DLD: variants seen among roughly 807,000 people sequenced by gnomAD.
The protein encoded by DLD is dihydrolipoyl dehydrogenase, mitochondrial.
Under a neutral mutation model 62.2 loss-of-function variants are expected in DLD, and 36 were observed. That is an observed-to-expected ratio of 0.58 (90% CI 0.44 to 0.76). The LOEUF (loss-of-function observed/expected upper bound fraction) is 0.76. Among genes scored for constraint, DLD ranks in the 30% least tolerant of loss-of-function variants. DLD has a pLI of 0.00. For synonymous variants in DLD, 204 were observed against 199.6 expected, an observed-to-expected ratio of 1.02 and a Z score of -0.19; for missense variants, 541 against 608.6, an observed-to-expected ratio of 0.89 and a Z score of 1.17.
At chr7:107,916,394 G>T (rs1310865994) in intron 9 of DLD, among the ~76,000 whole-genome samples, 1 of 152,154 alleles carries the variant, frequency 6.6e-6, no homozygotes, top group Non-Finnish European at 1.5e-5. Flanking sequence ...ATCAGTGCCG[G>T]CTGGGCATGG....
intron 7 of DLD, 76 bp downstream of exon 7, chr7:107,905,580 G>C: frequency 1.3e-6 from 2 of 1,493,860 alleles, no homozygotes; most frequent in Non-Finnish European, 1.9e-6. Flanking sequence ...TATGCTATTT[G>C]TGAACTTTGA....
chr7:107,892,528 G>T, intron 1 of DLD, among the ~76,000 whole-genome samples: 1 of 116,528 alleles, frequency 8.6e-6, no homozygotes, highest in African/African-American at 4.1e-5. Flanking sequence ...AGAACTTTCA[G>T]AGCTTTATTT....
chr7:107,913,509 CTT>C (rs796794845), intron 8 of DLD, among the ~76,000 whole-genome samples: 1 of 142,850 alleles, frequency 7.0e-6, no homozygotes, highest in African/African-American at 2.6e-5. Context: ...AATGGGATTG[CTT>C]TTTTTTTTTC....
At chr7:107,907,190 C>G (rs2032029495) in intron 8 of DLD, among the ~76,000 whole-genome samples, 1 of 152,152 alleles carries the variant, frequency 6.6e-6, no homozygotes, top group African/African-American at 2.4e-5. Flanking sequence ...ATCTGCTTGG[C>G]AAAACTCTAG....
chr7:107,912,060 C>T (rs1174751389), intron 8 of DLD, among the ~76,000 whole-genome samples: 4 of 151,296 alleles, frequency 2.6e-5, no homozygotes, highest in African/African-American at 9.7e-5. Context: ...TTTTTTTTAG[C>T]TCCCACATGT....
rs770776184 is a variant in DLD, at chr7:107,917,468, T to G, written c.1236+6T>G. The G allele has an allele frequency of 6.2e-7, 1 of 1,614,102 alleles. No individual in the cohort carries two copies. Among genetic ancestry groups the G allele is most frequent in the Non-Finnish European group, 8.5e-7 (1 of 1,179,952 alleles). On this transcript the variant is annotated splice_donor_region_variant and intron_variant, in intron 11 of 13. Coordinates refer to ENST00000205402, the MANE Select transcript of DLD (RefSeq NM_000108.5). ...AAGAGCAGTTGAAAGAAGAGGTAAGTCTGAACATGGGTGGTTTTAAGCCAA... is the reference window on the plus strand; with the variant it reads ...AAGAGCAGTTGAAAGAAGAGGTAAGGCTGAACATGGGTGGTTTTAAGCCAA...
At chr7:107,893,379 GTC>G (rs2031639562) in intron 2 of DLD, 101 bp downstream of exon 2, 1 of 854,424 alleles carries the variant, frequency 1.2e-6, no homozygotes, top group East Asian at 2.6e-5. Flanking sequence ...TATGTTAAGT[GTC>G]TTATAGTTCA....
chr7:107,905,026 G>A lies in DLD; in HGVS notation c.406G>A (p.Gly136Ser), dbSNP rs369005899. The A allele has an allele frequency of 6.8e-6, 11 of 1,612,764 alleles. No individual in the cohort carries two copies. In the East Asian group the frequency reaches 1.6e-4, roughly 23 times the overall value. The change falls in exon 6 of 14, where the codon GGT (glycine) becomes AGT (serine). Residue 136 changes from glycine (G) to serine (S), a missense_variant. By Grantham distance (56) the Gly-to-Ser change is moderately conservative. Transcript: ENST00000205402. The stretch of plus-strand genomic sequence containing the variant: ...GAGTACTGCAGTAAAAGCTTTAACA[G>A]GTGGAATTGCCCACTTATTCAAACA... Reference protein sequence around the residue: ...QKSTAVKALTGGIAHLFKQNK... With the variant: ...QKSTAVKALTSGIAHLFKQNK...
intron 1 of DLD, among the ~76,000 whole-genome samples, chr7:107,892,137 A>C (rs1044353569): frequency 1.3e-5 from 2 of 151,926 alleles, no homozygotes; most frequent in Non-Finnish European, 2.9e-5. Context: ...CTGACCTCAA[A>C]TGTTAAGAGT....
intron 11 of DLD, among the ~76,000 whole-genome samples, 162 bp from the exon 12 acceptor site, chr7:107,917,762 T>C (rs1203959335): frequency 6.6e-6 from 1 of 152,260 alleles, no homozygotes; most frequent in Non-Finnish European, 1.5e-5. Flanking sequence ...GTGCCTGAGA[T>C]ATAGTTCATT....
At chr7:107,913,046 C>T (rs962703916) in intron 8 of DLD, among the ~76,000 whole-genome samples, 2 of 151,988 alleles carry the variant, frequency 1.3e-5, no homozygotes, top group Non-Finnish European at 2.9e-5. Flanking sequence ...CACCATTTAT[C>T]GATGAGACTG....
chr7:107,896,465 C>G (rs932736445), intron 2 of DLD, among the ~76,000 whole-genome samples: 1 of 152,150 alleles, frequency 6.6e-6, no homozygotes, highest in Admixed American at 6.5e-5. Flanking sequence ...GAGTAATTTG[C>G]CCAAGAACTT....
At position 107,905,367 on chromosome 7, in the gene DLD, C is replaced by T. The variant is rs2031978295; in HGVS notation, c.445C>T (p.His149Tyr). 1 of 1,612,864 alleles carries T rather than the reference C, an allele frequency of 6.2e-7. No individual in the cohort carries two copies. Among genetic ancestry groups the T allele is most frequent in the Non-Finnish European group, 8.5e-7 (1 of 1,179,004 alleles). Residue 149 changes from histidine (H) to tyrosine (Y), a missense_variant, in exon 7 of 14, where the codon CAT (histidine) becomes TAT (tyrosine). His to Tyr is a moderately conservative substitution (Grantham distance 83). Coordinates refer to ENST00000205402, the MANE Select transcript of DLD (RefSeq NM_000108.5). ...AHLFKQNKVV[H>Y]VNGYGKITGK... ...TAAAGATTATTTTGTAAAGGTTGTTCATGTCAATGGATATGGAAAGATAAC... is the reference window on the plus strand; with the variant it reads ...TAAAGATTATTTTGTAAAGGTTGTTTATGTCAATGGATATGGAAAGATAAC...
intron 12 of DLD, among the ~76,000 whole-genome samples, 162 bp downstream of exon 12, chr7:107,918,223 T>C (rs142144938): frequency 1.1e-3 from 169 of 152,326 alleles, no homozygotes; most frequent in Non-Finnish European, 1.2e-3. Context: ...AGCAGCACTC[T>C]CACAGTCTTG....
intron 2 of DLD, among the ~76,000 whole-genome samples, chr7:107,897,670 C>A (rs1474948882): frequency 1.3e-5 from 2 of 151,450 alleles, no homozygotes; most frequent in African/African-American, 4.9e-5. Context: ...CTTCCACCTC[C>A]CGGGTTCAGG....
At chr7:107,906,659 A>G (rs1048030420) in intron 8 of DLD, among the ~76,000 whole-genome samples, 1 of 152,172 alleles carries the variant, frequency 6.6e-6, no homozygotes, top group African/African-American at 2.4e-5. Context: ...ATATTTGAGG[A>G]CAGCTTTTAT....
At chr7:107,908,190 G>A (rs1362310963) in intron 8 of DLD, among the ~76,000 whole-genome samples, 33 of 141,886 alleles carry the variant, frequency 2.3e-4, no homozygotes, top group Admixed American at 2.2e-3. Flanking sequence ...TTGCTGTGTC[G>A]CCCAGGCTGG....
chr7:107,909,449 C>T (rs2032086629), intron 8 of DLD, among the ~76,000 whole-genome samples: 1 of 152,226 alleles, frequency 6.6e-6, no homozygotes, highest in African/African-American at 2.4e-5. Flanking sequence ...ACAGTACAGT[C>T]TTTCACCAGT....
intron 5 of DLD, among the ~76,000 whole-genome samples, chr7:107,904,052 C>A (rs2031944112): frequency 6.6e-6 from 1 of 152,110 alleles, no homozygotes; most frequent in Non-Finnish European, 1.5e-5. Flanking sequence ...TCTTTTGTCT[C>A]CAATTATTGT....
Sources: allele counts gnomAD v4.1 joint callset (sites outside exome capture counted in the v4.1 genomes callset), GRCh38; gene constraint gnomAD v4.1.1; transcripts MANE v1.5; gene names NCBI Gene and HGNC (gene_info 2026-07-23, HGNC 2026-07-21).